SLC4A10: variants seen among roughly 807,000 people sequenced by gnomAD.
SLC4A10 encodes sodium-driven chloride bicarbonate exchanger.
A neutral mutation model predicts 137.7 loss-of-function variants in SLC4A10; 42 were observed. The observed-to-expected ratio is 0.30, with a 90% CI of 0.24 to 0.39. SLC4A10 has a LOEUF of 0.39. SLC4A10 is among the 10% of genes least tolerant of loss of function. SLC4A10 has a pLI of 1.00. For missense variants in SLC4A10, 925 were observed against 1,355.0 expected (o/e 0.68, Z 4.98); for synonymous variants, 474 against 464.1 (o/e 1.02, Z -0.27).
At chr2:161,664,537 A>G (rs2038823254) in intron 1 of SLC4A10, among the ~76,000 whole-genome samples, 1 of 151,920 alleles carries the variant, frequency 6.6e-6, no homozygotes, top group South Asian at 2.1e-4. Flanking sequence ...AGCCTATGGC[A>G]TCATTGCTAG....
intron 23 of SLC4A10, among the ~76,000 whole-genome samples, chr2:161,968,754 G>T (rs1052933111): frequency 1.3e-5 from 2 of 152,158 alleles, no homozygotes; most frequent in African/African-American, 4.8e-5. Flanking sequence ...AAAGAAAATA[G>T]GAAGTTTAAA....
At chr2:161,738,484 T>A (rs1353844817) in intron 1 of SLC4A10, among the ~76,000 whole-genome samples, 1 of 152,180 alleles carries the variant, frequency 6.6e-6, no homozygotes, top group African/African-American at 2.4e-5. Context: ...AGTTATAGTT[T>A]GGTGTTTGTA....
chr2:161,729,795 G>A (rs1324578307), intron 1 of SLC4A10, among the ~76,000 whole-genome samples: 16 of 152,170 alleles, frequency 1.1e-4, no homozygotes, highest in Non-Finnish European at 2.2e-4. Context: ...CTTCTAGTAG[G>A]AAGCTGTTGT....
chr2:161,725,836 A>G (rs1312088355), intron 1 of SLC4A10, among the ~76,000 whole-genome samples: 1 of 152,158 alleles, frequency 6.6e-6, no homozygotes, highest in Non-Finnish European at 1.5e-5. Context: ...TTGTCCTTTA[A>G]TTGTTGGTTT....
At position 161,985,045 on chromosome 2, in the gene SLC4A10, CTA is replaced by C. The variant is rs1700651884; in HGVS notation, c.*1895_*1896del. ...TCTTGTGTGAATTTTAAAGCTATCC[CTA>C]TGTTAATCCTAATATTTTGAAATCA... On this transcript the variant is annotated 3_prime_UTR_variant, in exon 27 of 27. Coordinates refer to ENST00000446997, the MANE Select transcript of SLC4A10 (RefSeq NM_001178015.2). The C allele has an allele frequency of 6.6e-6, 1 of 151,758 alleles. No individual in the cohort carries two copies. The highest frequency in any genetic ancestry group is 1.5e-5 in the Non-Finnish European group (1 of 67,846). The allele number at this position is 151,758 out of a possible 1,614,324, so 9.4% of individuals were successfully genotyped here.
At chr2:161,775,875 T>A (rs2052261624) in intron 2 of SLC4A10, among the ~76,000 whole-genome samples, 1 of 151,908 alleles carries the variant, frequency 6.6e-6, no homozygotes, top group Non-Finnish European at 1.5e-5. Context: ...TAATATGATC[T>A]ATTAACTACT....
At chr2:161,659,268 T>C (rs2105680460) in intron 1 of SLC4A10, among the ~76,000 whole-genome samples, 1 of 152,304 alleles carries the variant, frequency 6.6e-6, no homozygotes, top group East Asian at 1.9e-4. Flanking sequence ...ATGGATGGAA[T>C]TGGAGGCCAT....
intron 2 of SLC4A10, among the ~76,000 whole-genome samples, chr2:161,778,605 C>G (rs1433274476): frequency 6.6e-6 from 1 of 151,784 alleles, no homozygotes; most frequent in Non-Finnish European, 1.5e-5. Context: ...ATCAAATATT[C>G]AAACATTTAA....
chr2:161,950,892 G>A, intron 19 of SLC4A10, 44 bp downstream of exon 19: 1 of 1,439,132 alleles, frequency 6.9e-7, no homozygotes, highest in Non-Finnish European at 9.5e-7. Context: ...TATGACAACT[G>A]ATATCAACTG....
chr2:161,836,664 A>C (rs1044921197), intron 3 of SLC4A10, among the ~76,000 whole-genome samples: 3 of 149,294 alleles, frequency 2.0e-5, no homozygotes, highest in Non-Finnish European at 4.5e-5. Context: ...GAAAAAAAAA[A>C]ACCCCATAAA....
At chr2:161,820,333 A>G (rs1316185750) in intron 3 of SLC4A10, among the ~76,000 whole-genome samples, 1 of 152,238 alleles carries the variant, frequency 6.6e-6, no homozygotes, top group African/African-American at 2.4e-5. Context: ...GTAAAGTATA[A>G]GACAAGCATT....
chr2:161,828,767 C>T (rs1371353814), intron 3 of SLC4A10, among the ~76,000 whole-genome samples: 1 of 42,092 alleles, frequency 2.4e-5, no homozygotes, highest in Non-Finnish European at 5.2e-5. Flanking sequence ...AATTCTAATT[C>T]ATATATATAT....
chr2:161,771,814 T>C (rs1213500039), intron 2 of SLC4A10, among the ~76,000 whole-genome samples: 2 of 151,816 alleles, frequency 1.3e-5, no homozygotes, highest in African/African-American at 2.4e-5. Context: ...AATGAGAAAT[T>C]GTTACTAATG....
At chr2:161,817,008 T>C (rs1168344787) in intron 3 of SLC4A10, among the ~76,000 whole-genome samples, 2 of 152,146 alleles carry the variant, frequency 1.3e-5, no homozygotes, top group East Asian at 1.9e-4. Context: ...AATGGGATTG[T>C]TGGGTCAAAT....
At chr2:161,758,380 A>T (rs2049894952) in intron 1 of SLC4A10, among the ~76,000 whole-genome samples, 1 of 151,800 alleles carries the variant, frequency 6.6e-6, no homozygotes, top group Admixed American at 6.6e-5. Context: ...TCATCTCCTC[A>T]TGTTTTATTT....
intron 1 of SLC4A10, among the ~76,000 whole-genome samples, chr2:161,666,565 T>C (rs1250638073): frequency 6.6e-6 from 1 of 151,746 alleles, no homozygotes. Flanking sequence ...GAATACTTCA[T>C]GTAAAACTCA....
intron 15 of SLC4A10, among the ~76,000 whole-genome samples, chr2:161,911,815 G>A (rs78730605): frequency 0.02 from 3,071 of 151,984 alleles, 65 homozygotes; most frequent in African/African-American, 0.057. Flanking sequence ...TTCACATATA[G>A]TTTCCCCCCT....
At chr2:161,878,659 A>T (rs2125954611) in intron 8 of SLC4A10, among the ~76,000 whole-genome samples, 1 of 152,292 alleles carries the variant, frequency 6.6e-6, no homozygotes, top group East Asian at 1.9e-4. Context: ...AAAGAGAAGA[A>T]GGTTAAAGTC....
At chr2:161,688,338 A>G (rs2041648760) in intron 1 of SLC4A10, among the ~76,000 whole-genome samples, 1 of 152,200 alleles carries the variant, frequency 6.6e-6, no homozygotes, top group African/African-American at 2.4e-5. Flanking sequence ...GTAATTTTAT[A>G]ACCTAGAATG....
Sources: gnomAD v4.1 joint callset for allele counts (sites outside exome capture counted in the v4.1 genomes callset) on GRCh38, gnomAD v4.1.1 for gene constraint, MANE v1.5 for transcripts, NCBI Gene and HGNC (gene_info 2026-07-23, HGNC 2026-07-21) for gene names.